PAX5: variants seen among roughly 807,000 people sequenced by gnomAD.
The protein encoded by PAX5 is paired box protein Pax-5.
A neutral mutation model predicts 43.7 loss-of-function variants in PAX5; 9 were observed. That is an observed-to-expected ratio of 0.21 (90% confidence interval 0.12 to 0.36). PAX5 has a LOEUF of 0.36. Among genes scored for constraint, PAX5 ranks in the 10% least tolerant of loss-of-function variants. The pLI is 1.00. For missense variants in PAX5, 383 were observed against 532.7 expected, an observed-to-expected ratio of 0.72 and a Z score of 2.77; for synonymous variants, 228 against 214.3, an observed-to-expected ratio of 1.06 and a Z score of -0.56.
At chr9:36,866,432 C>A (rs945646477) in intron 8 of PAX5, among the ~76,000 whole-genome samples, 1 of 152,166 alleles carries the variant, frequency 6.6e-6, no homozygotes, top group African/African-American at 2.4e-5. Flanking sequence ...CCCACCGTTG[C>A]CTGGATCCAC....
At chr9:36,949,183 C>G (rs897188864) in intron 6 of PAX5, among the ~76,000 whole-genome samples, 1 of 152,132 alleles carries the variant, frequency 6.6e-6, no homozygotes, top group African/African-American at 2.4e-5. Context: ...GCCTCAGCCT[C>G]CCAAGCAGCT....
At chr9:37,010,713 C>T (rs1248006252) in intron 3 of PAX5, among the ~76,000 whole-genome samples, 2 of 152,108 alleles carry the variant, frequency 1.3e-5, no homozygotes, top group Non-Finnish European at 2.9e-5. Context: ...TGAAGAAACA[C>T]CCACATCTAT....
intron 5 of PAX5, among the ~76,000 whole-genome samples, chr9:36,978,572 A>G (rs1425456288): frequency 6.6e-6 from 1 of 152,140 alleles, no homozygotes; most frequent in East Asian, 1.9e-4. Context: ...CATTACCCCT[A>G]TTTGAGTTTT....
rs1821562331 is a variant in PAX5, at chr9:36,835,305, T to C, written c.*5255A>G. The C allele has an allele frequency of 4.3e-6, 1 of 232,736 alleles. No homozygotes were observed. The allele number at this position is 232,736 out of a possible 1,614,324, so 14.4% of individuals were successfully genotyped here. A position where few individuals can be genotyped will look rare whatever the true frequency, so the allele number is the denominator to read the frequency against. Reference sequence around the variant, plus strand: ...GGGGTGCCCAGGAACGGAGCCTCAGTGCTGAGGAATTACCAGAAAAGGAAA... The same window carrying C: ...GGGGTGCCCAGGAACGGAGCCTCAGCGCTGAGGAATTACCAGAAAAGGAAA... On this transcript the variant is annotated 3_prime_UTR_variant, in exon 10 of 10. Transcript: ENST00000358127.
intron 7 of PAX5, among the ~76,000 whole-genome samples, chr9:36,911,106 C>A (rs1020377536): frequency 3.3e-5 from 5 of 152,196 alleles, no homozygotes; most frequent in African/African-American, 1.2e-4. Flanking sequence ...GAGTCTCTCT[C>A]TTCTCTCCCA....
rs376390452 is a variant in PAX5 at position 37,002,823 on chromosome 9, G to C, written c.476-47C>G. 14 of 1,568,178 alleles carry C rather than the reference G, an allele frequency of 8.9e-6. 2 individuals carry two copies. The South Asian group carries it at 1.6e-4, about 18-fold the overall frequency. Reference sequence around the variant, plus strand: ...GTCAGGGCCGCAGAGGGCTGAGGGCGGCGGACCGGCTGTCACCGCACGTGA... The same window carrying C: ...GTCAGGGCCGCAGAGGGCTGAGGGCCGCGGACCGGCTGTCACCGCACGTGA... On this transcript the variant is annotated intron_variant, in intron 4 of 9. Coordinates refer to ENST00000358127, the MANE Select transcript of PAX5 (RefSeq NM_016734.3).
At chr9:36,852,578 C>T (rs977174510) in intron 8 of PAX5, among the ~76,000 whole-genome samples, 1 of 152,216 alleles carries the variant, frequency 6.6e-6, no homozygotes, top group Non-Finnish European at 1.5e-5. Context: ...TCACAATAAC[C>T]CTGGTGAGGA....
intron 7 of PAX5, among the ~76,000 whole-genome samples, chr9:36,913,325 C>T (rs982059179): frequency 2.0e-5 from 3 of 152,260 alleles, no homozygotes; most frequent in African/African-American, 7.2e-5. Context: ...TGCCAACTTA[C>T]TGATGCAAAG....
At chr9:36,953,815 G>A (rs1464937977) in intron 6 of PAX5, among the ~76,000 whole-genome samples, 1 of 152,160 alleles carries the variant, frequency 6.6e-6, no homozygotes, top group African/African-American at 2.4e-5. Flanking sequence ...GCTCACACCT[G>A]TAATTCCAGT....
At chr9:36,841,516 G>T (rs1360205750) in intron 9 of PAX5, among the ~76,000 whole-genome samples, 1 of 152,180 alleles carries the variant, frequency 6.6e-6, no homozygotes, top group Non-Finnish European at 1.5e-5. Flanking sequence ...CTCCCCTGTA[G>T]TCTGTCCCTA....
At chr9:36,884,893 T>C (rs1826783843) in intron 7 of PAX5, among the ~76,000 whole-genome samples, 1 of 152,220 alleles carries the variant, frequency 6.6e-6, no homozygotes, top group South Asian at 2.1e-4. Flanking sequence ...CCCACCAGGA[T>C]GGCAGTATGT....
At chr9:36,916,985 C>A (rs191061082) in intron 7 of PAX5, among the ~76,000 whole-genome samples, 1 of 151,950 alleles carries the variant, frequency 6.6e-6, no homozygotes, top group African/African-American at 2.4e-5. Context: ...GCACCCAGCT[C>A]TTTTATTATG....
At chr9:37,014,426 C>A (rs902525359) in intron 3 of PAX5, among the ~76,000 whole-genome samples, 3 of 152,210 alleles carry the variant, frequency 2.0e-5, no homozygotes, top group Non-Finnish European at 2.9e-5. Context: ...ACATCAGAAC[C>A]ACTGGGGTTC....
chr9:36,910,306 T>C (rs1829162104), intron 7 of PAX5, among the ~76,000 whole-genome samples: 1 of 152,210 alleles, frequency 6.6e-6, no homozygotes, highest in African/African-American at 2.4e-5. Context: ...CAGCATGCTG[T>C]ATACACTATT....
chr9:36,838,841 G>A lies in PAX5; in HGVS notation c.*1719C>T. On this transcript the variant is annotated 3_prime_UTR_variant, in exon 10 of 10. Transcript: ENST00000358127. ...CAAGGCAGCCAAGGCTCAAAGAGGT[G>A]CAGGGTTTTGTCTGAGGTCCCACAG... 4.3e-6 allele frequency: 1 copy of A among 233,310 alleles called. No individual in the cohort carries two copies. 14.5% of individuals were successfully genotyped at this position (233,310 alleles called of 1,614,324 possible).
At chr9:36,976,645 AT>A (rs3837218) in intron 5 of PAX5, among the ~76,000 whole-genome samples, 1 of 151,648 alleles carries the variant, frequency 6.6e-6, no homozygotes, top group Admixed American at 6.6e-5. Flanking sequence ...ATGGAGGAAA[AT>A]TTCCACTGAA....
At chr9:36,841,720 C>G (rs1268219895) in intron 9 of PAX5, among the ~76,000 whole-genome samples, 1 of 152,204 alleles carries the variant, frequency 6.6e-6, no homozygotes, top group Non-Finnish European at 1.5e-5. Flanking sequence ...AGCGAAGACA[C>G]CCCCTGCCCA....
chr9:36,968,794 C>G (rs1834675577), intron 5 of PAX5, among the ~76,000 whole-genome samples: 1 of 152,200 alleles, frequency 6.6e-6, no homozygotes, highest in Non-Finnish European at 1.5e-5. Flanking sequence ...GGACCATTCC[C>G]ACAAGGTCAC....
In PAX5 at chr9:36,856,924, G is replaced by A. The variant is rs2005155; in HGVS notation, c.1013-9995C>T. ...TGGCAGATGCTTGGCCTGGAAACCC[G>A]AAGAGTCTCTTTGAACGTCTAGAAT... On this transcript the variant is annotated intron_variant, in intron 8 of 9. Coordinates refer to ENST00000358127, the MANE Select transcript of PAX5 (RefSeq NM_016734.3). 2.0e-3 allele frequency among the ~76,000 whole-genome samples: 309 copies of A among 152,306 alleles called. 1 individual carries two copies. The highest frequency in any genetic ancestry group is 7.2e-3 in the African/African-American group (299 of 41,556).
Sources: gnomAD v4.1 joint callset for allele counts (sites outside exome capture counted in the v4.1 genomes callset) on GRCh38, gnomAD v4.1.1 for gene constraint, MANE v1.5 for transcripts, NCBI Gene and HGNC (gene_info 2026-07-23, HGNC 2026-07-21) for gene names.